MED26: variants seen among roughly 807,000 people sequenced by gnomAD.
MED26 encodes mediator of RNA polymerase II transcription subunit 26.
A neutral mutation model predicts 43.7 loss-of-function variants in MED26; 7 were observed. The ratio of observed to expected loss-of-function variants is 0.16; its 90% CI spans 0.09 to 0.30. MED26 has a LOEUF of 0.30. MED26 is among the 10% of genes least tolerant of loss of function. MED26 has a pLI of 1.00. For synonymous variants in MED26, 375 were observed against 371.1 expected (o/e 1.01, Z -0.12); for missense variants, 784 against 840.6 (o/e 0.93, Z 0.83).
intron 1 of MED26, among the ~76,000 whole-genome samples, chr19:16,619,375 T>C (rs1007831060): frequency 7.2e-5 from 11 of 152,120 alleles, no homozygotes; most frequent in Admixed American, 6.5e-4. Flanking sequence ...TTAGCTACCA[T>C]GGTAACTACT....
chr19:16,628,201 C>T lies in MED26; in HGVS notation c.-258G>A, dbSNP rs867790597. The T allele has an allele frequency of 1.6e-4, 54 of 343,514 alleles. No individual in the cohort carries two copies. The highest frequency in any genetic ancestry group is 1.6e-3 in the Middle Eastern group (2 of 1,264). 21.3% of individuals were successfully genotyped at this position (343,514 alleles called of 1,614,324 possible). A position where few individuals can be genotyped will look rare whatever the true frequency, so the allele number is the denominator to read the frequency against. The stretch of plus-strand genomic sequence containing the variant: ...TGCCGCCGCCTCGAGAACCAAACTC[C>T]AGTGAGCTGCCCCCGCGCGGAGTAC... On this transcript the variant is annotated 5_prime_UTR_variant, in exon 1 of 3. Coordinates refer to ENST00000263390, the MANE Select transcript of MED26 (RefSeq NM_004831.5).
chr19:16,579,109 T>A (rs942378295), intron 1 of MED26, among the ~76,000 whole-genome samples: 59 of 151,814 alleles, frequency 3.9e-4, no homozygotes, highest in Middle Eastern at 3.4e-3. Context: ...TAAAAAATAA[T>A]AATAATAATA....
chr19:16,593,730 T>A (rs1472693987), intron 1 of MED26, among the ~76,000 whole-genome samples: 2 of 152,096 alleles, frequency 1.3e-5, no homozygotes, highest in African/African-American at 2.4e-5. Flanking sequence ...ACACAGTGAC[T>A]CTTGGTGGTC....
intron 1 of MED26, among the ~76,000 whole-genome samples, chr19:16,605,314 G>C (rs74654751): frequency 0.031 from 4,754 of 152,310 alleles, 193 homozygotes; most frequent in Admixed American, 0.086. Flanking sequence ...CAGAAAGACA[G>C]CTGAGAGGAA....
chr19:16,609,172 G>A lies in MED26; in HGVS notation c.72+18700C>T, dbSNP rs377453580. Among the ~76,000 whole-genome samples the A allele has an allele frequency of 5.3e-4, 81 of 152,012 alleles. 1 individual carries two copies. Among genetic ancestry groups the A allele is most frequent in the African/African-American group, 1.9e-3 (77 of 41,454 alleles). On this transcript the variant is annotated intron_variant, in intron 1 of 2. Transcript: ENST00000263390. ...TCTACTAAAAATACAAAAATTAGCC[G>A]GGTATGGTGGTGCACACCTATAGTC...
At chr19:16,618,220 C>A (rs2086234614) in intron 1 of MED26, among the ~76,000 whole-genome samples, 1 of 152,186 alleles carries the variant, frequency 6.6e-6, no homozygotes, top group African/African-American at 2.4e-5. Context: ...CAGCTCTTGC[C>A]TGGGTCACAG....
intron 1 of MED26, among the ~76,000 whole-genome samples, chr19:16,579,891 T>C (rs748077375): frequency 1.3e-5 from 2 of 152,252 alleles, no homozygotes; most frequent in Non-Finnish European, 2.9e-5. Flanking sequence ...AAAACCAAAC[T>C]GACAGTGGTT....
At chr19:16,591,973 AATCCCC>A (rs1443229631) in intron 1 of MED26, among the ~76,000 whole-genome samples, 4 of 152,140 alleles carry the variant, frequency 2.6e-5, no homozygotes, top group Non-Finnish European at 4.4e-5. Context: ...TGAAACGCAC[AATCCCC>A]ATCCCCATCC....
At chr19:16,596,686 G>C (rs2086121309) in intron 1 of MED26, among the ~76,000 whole-genome samples, 1 of 152,192 alleles carries the variant, frequency 6.6e-6, no homozygotes, top group Non-Finnish European at 1.5e-5. Context: ...AAGTGGAAGA[G>C]GCAAGAGCAG....
At chr19:16,619,381 C>A (rs554780942) in intron 1 of MED26, among the ~76,000 whole-genome samples, 5 of 152,208 alleles carry the variant, frequency 3.3e-5, no homozygotes, top group African/African-American at 1.2e-4. Context: ...ACCATGGTAA[C>A]TACTACATCA....
Position 16,586,284 on chromosome 19 carries a change from T to G in MED26, c.73-7875A>C, listed in dbSNP as rs1446370409. Among the ~76,000 whole-genome samples the G allele has an allele frequency of 6.6e-6, 1 of 152,212 alleles. No individual in the cohort carries two copies. Among genetic ancestry groups the G allele is most frequent in the Non-Finnish European group, 1.5e-5 (1 of 68,030 alleles). On this transcript the variant is annotated intron_variant, in intron 1 of 2. Transcript: ENST00000263390. This position sits in a 1 kb window ranked among gnomAD's most constrained non-coding sequence, Gnocchi z 5.1. ...AAGCGCACTCTACAGATAAGGTAAC[T>G]GAGGGCCAGGAAGGTAATGGAGGTC...
rs548537959 is a variant in MED26, at chr19:16,617,452, C to T, written c.72+10420G>A. On this transcript the variant is annotated intron_variant, in intron 1 of 2. Transcript: ENST00000263390. ...GCCAGAGTGTGTCTCCTGAAGTTTC[C>T]GGAACTGGAAACTAGAAAGTAACTC... Among the ~76,000 whole-genome samples the T allele has an allele frequency of 9.9e-5, 15 of 152,248 alleles. No individual in the cohort carries two copies. The South Asian group carries it at 1.7e-3, about 17-fold the overall frequency.
intron 1 of MED26, among the ~76,000 whole-genome samples, chr19:16,590,061 T>C (rs1599335734): frequency 6.6e-6 from 1 of 152,230 alleles, no homozygotes; most frequent in Non-Finnish European, 1.5e-5. Flanking sequence ...TGGATGGGAC[T>C]GAGGAGGACA....
intron 1 of MED26, chr19:16,589,041 C>G (rs10408220): frequency 0.087 from 13,208 of 152,658 alleles, 600 homozygotes; most frequent in African/African-American, 0.1. Flanking sequence ...TAAAATGCCA[C>G]CACTGAGGCT....
intron 1 of MED26, among the ~76,000 whole-genome samples, chr19:16,590,199 A>T (rs1215416175): frequency 1.3e-5 from 2 of 152,258 alleles, no homozygotes; most frequent in African/African-American, 4.8e-5. Flanking sequence ...AGCACCCTGC[A>T]GGGCACTGGG....
chr19:16,611,366 G>A (rs1317337859), intron 1 of MED26: 1 of 152,154 alleles, frequency 6.6e-6, no homozygotes, highest in Admixed American at 6.5e-5. Context: ...TGACTGGAGT[G>A]TTATGTTGCA....
At chr19:16,608,989 T>C (rs1294274833) in intron 1 of MED26, among the ~76,000 whole-genome samples, 1 of 152,176 alleles carries the variant, frequency 6.6e-6, no homozygotes, top group Non-Finnish European at 1.5e-5. Flanking sequence ...ATTATCTAAT[T>C]CAGCAAAGAC....
intron 1 of MED26, among the ~76,000 whole-genome samples, chr19:16,580,388 G>A (rs2086038742): frequency 6.6e-6 from 1 of 150,630 alleles, no homozygotes; most frequent in Non-Finnish European, 1.5e-5. Flanking sequence ...TTTTTTTTGA[G>A]ATGAAGTTTC....
At position 16,575,448 on chromosome 19, in the gene MED26, G is replaced by A. The variant is rs1293261820; in HGVS notation, c.*579C>T. 3 of 153,124 alleles carry A rather than the reference G, an allele frequency of 2.0e-5. No homozygotes were observed. The highest frequency in any genetic ancestry group is 2.0e-4 in the Admixed American group (3 of 15,336). The allele number at this position is 153,124 out of a possible 1,614,324, so 9.5% of individuals were successfully genotyped here. A position where few individuals can be genotyped will look rare whatever the true frequency, so the allele number is the denominator to read the frequency against. On this transcript the variant is annotated 3_prime_UTR_variant, in exon 3 of 3. Coordinates refer to ENST00000263390, the MANE Select transcript of MED26 (RefSeq NM_004831.5). The stretch of plus-strand genomic sequence containing the variant: ...CACTGGCTGGCCAGCTGGCCCGCCT[G>A]CCCAATGCCAGTGGCTCACCACAGC...
Sources: gnomAD v4.1 joint callset for allele counts (sites outside exome capture counted in the v4.1 genomes callset) on GRCh38, gnomAD v4.1.1 for gene constraint, Gnocchi (gnomAD v3.1) non-coding constraint, MANE v1.5 for transcripts, NCBI Gene and HGNC (gene_info 2026-07-23, HGNC 2026-07-21) for gene names.